The following FHIT variants were observed in gnomAD, a reference collection of about 807,000 sequenced individuals.
FHIT encodes fragile histidine triad diadenosine triphosphatase, also known as bis(5'-adenosyl)-triphosphatase.
FHIT carries 19 observed loss-of-function variants against 17.9 expected under a neutral mutation model. The observed-to-expected ratio is 1.06, with a 90% CI of 0.74 to 1.56. The LOEUF is 1.56. FHIT is among the 40% of genes most tolerant of loss of function. The probability of loss-of-function intolerance (pLI) is 0.00; values close to 1 mark genes in which losing one functional copy is unlikely to be tolerated. For missense variants in FHIT, 248 were observed against 189.2 expected (o/e 1.31, Z -1.82); for synonymous variants, 81 against 69.7 (o/e 1.16, Z -0.81).
In FHIT at chr3:60,116,627, C is replaced by T. The variant is rs1704974659; in HGVS notation, c.104-102475G>A. Among the ~76,000 whole-genome samples the T allele has an allele frequency of 1.3e-5, 2 of 152,148 alleles. 1 individual carries two copies. Among genetic ancestry groups the T allele is most frequent in the South Asian group, 4.1e-4 (2 of 4,832 alleles). On this transcript the variant is annotated intron_variant, in intron 5 of 9. Coordinates refer to ENST00000492590, the MANE Select transcript of FHIT (RefSeq NM_002012.4). ...AAGCTCAAGAATGAACTCTTCCTGG[C>T]ATTTCTAATTAAATATGTAGTCTAC...
chr3:60,365,123 A>T (rs1700055162), intron 5 of FHIT, among the ~76,000 whole-genome samples: 1 of 149,340 alleles, frequency 6.7e-6, no homozygotes, highest in Admixed American at 6.7e-5. Context: ...TATATATATA[A>T]TACTAAGACC....
chr3:60,608,886 CTTCAT>C (rs1328372986), intron 4 of FHIT, among the ~76,000 whole-genome samples: 3 of 152,082 alleles, frequency 2.0e-5, no homozygotes, highest in Non-Finnish European at 2.9e-5. Flanking sequence ...TTTCCCTTCT[CTTCAT>C]AATAGGTAAC....
intron 3 of FHIT, among the ~76,000 whole-genome samples, chr3:60,979,533 C>T (rs1311573739): frequency 6.6e-6 from 1 of 152,148 alleles, no homozygotes; most frequent in Non-Finnish European, 1.5e-5. Flanking sequence ...CCATGTCCTA[C>T]CTCCTCTGGC....
At chr3:59,991,293 T>C (rs1028598121) in intron 7 of FHIT, among the ~76,000 whole-genome samples, 7 of 152,070 alleles carry the variant, frequency 4.6e-5, no homozygotes, top group Admixed American at 4.6e-4. Flanking sequence ...TATAGACTTT[T>C]AGTGATATTT....
intron 8 of FHIT, among the ~76,000 whole-genome samples, chr3:59,902,103 C>T (rs528543429): frequency 1.3e-5 from 2 of 152,224 alleles, no homozygotes; most frequent in African/African-American, 4.8e-5. Flanking sequence ...CAATAGTACC[C>T]TCCCCTGTAA....
chr3:60,470,674 A>G (rs1427405119), intron 5 of FHIT, among the ~76,000 whole-genome samples: 2 of 151,922 alleles, frequency 1.3e-5, no homozygotes, highest in Non-Finnish European at 2.9e-5. Flanking sequence ...GAAATCAGAG[A>G]TCCTAGGAGC....
intron 4 of FHIT, among the ~76,000 whole-genome samples, chr3:60,544,717 C>G (rs567200513): frequency 1.3e-5 from 2 of 151,752 alleles, no homozygotes; most frequent in Admixed American, 6.6e-5. Context: ...CTGCCTCAGC[C>G]TCCCAAGTAG....
chr3:60,020,828 A>G (rs1040981885), intron 5 of FHIT, among the ~76,000 whole-genome samples: 4 of 152,240 alleles, frequency 2.6e-5, no homozygotes, highest in African/African-American at 9.6e-5. Context: ...CAGAGCTTTG[A>G]GTCAAAGTAG....
chr3:60,855,687 T>C (rs1334954827), intron 3 of FHIT, among the ~76,000 whole-genome samples: 1 of 152,176 alleles, frequency 6.6e-6, no homozygotes, highest in South Asian at 2.1e-4. Context: ...CCATGTGTTA[T>C]GGGCCAAGAG....
At chr3:60,961,985 T>C (rs1281992659) in intron 3 of FHIT, among the ~76,000 whole-genome samples, 1 of 152,238 alleles carries the variant, frequency 6.6e-6, no homozygotes, top group Admixed American at 6.5e-5. Flanking sequence ...GGTAGCTTGA[T>C]GGGGATGGCG....
chr3:59,962,728 G>A (rs778366321), intron 7 of FHIT, among the ~76,000 whole-genome samples: 27 of 152,092 alleles, frequency 1.8e-4, no homozygotes, highest in Non-Finnish European at 2.9e-4. Flanking sequence ...TATTTTCTTG[G>A]TGCAATTTAA....
At chr3:59,759,410 A>G (rs528674390) in intron 8 of FHIT, among the ~76,000 whole-genome samples, 1 of 152,296 alleles carries the variant, frequency 6.6e-6, no homozygotes, top group East Asian at 1.9e-4. Context: ...CATTTGCCCC[A>G]TAGGCTAGTT....
At chr3:60,096,460 G>C (rs1040196995) in intron 5 of FHIT, among the ~76,000 whole-genome samples, 1 of 152,156 alleles carries the variant, frequency 6.6e-6, no homozygotes. Context: ...AAACAGAAAC[G>C]CAAGTTCTCA....
intron 5 of FHIT, among the ~76,000 whole-genome samples, chr3:60,066,935 C>T (rs547416009): frequency 8.5e-5 from 13 of 152,124 alleles, no homozygotes; most frequent in Admixed American, 7.9e-4. Flanking sequence ...TGAGCCACTG[C>T]GCCTGACAGA....
intron 5 of FHIT, among the ~76,000 whole-genome samples, chr3:60,173,915 A>ATATATATATATATTTTTTT: frequency 6.0e-5 from 4 of 66,426 alleles, no homozygotes; most frequent in Non-Finnish European, 8.3e-5. Flanking sequence ...ATATATATAT[A>ATATATATATATATTTTTTT]TGTTTTTTTT....
At chr3:61,017,635 A>G (rs879490322) in intron 3 of FHIT, among the ~76,000 whole-genome samples, 4 of 152,312 alleles carry the variant, frequency 2.6e-5, no homozygotes, top group Non-Finnish European at 4.4e-5. Context: ...AATTCATTCA[A>G]TGTTGCCACT....
chr3:60,497,030 C>T (rs1033764208), intron 5 of FHIT, among the ~76,000 whole-genome samples: 4 of 151,976 alleles, frequency 2.6e-5, no homozygotes, highest in Middle Eastern at 3.2e-3. Context: ...GGTCAGTAAA[C>T]GCCTCTAAAG....
chr3:60,447,662 A>G (rs1185849425), intron 5 of FHIT, among the ~76,000 whole-genome samples: 1 of 152,152 alleles, frequency 6.6e-6, no homozygotes, highest in Non-Finnish European at 1.5e-5. Flanking sequence ...CTAATACAAT[A>G]ATAAAAAAAA....
At chr3:61,183,823 C>A (rs538449148) in intron 2 of FHIT, among the ~76,000 whole-genome samples, 1 of 151,114 alleles carries the variant, frequency 6.6e-6, no homozygotes, top group East Asian at 2.0e-4. Flanking sequence ...GGGTTTTTCA[C>A]GTTTACAAAG....
Sources: allele counts gnomAD v4.1 joint callset (sites outside exome capture counted in the v4.1 genomes callset), GRCh38; gene constraint gnomAD v4.1.1; transcripts MANE v1.5; gene names NCBI Gene and HGNC (gene_info 2026-07-23, HGNC 2026-07-21).